ADGRB3: variants seen among roughly 807,000 people sequenced by gnomAD.
The protein encoded by ADGRB3 is brain-specific angiogenesis inhibitor 3.
In ADGRB3, 37 loss-of-function variants were observed where a neutral mutation model predicts 193.4. The ratio of observed to expected loss-of-function variants is 0.19; its 90% CI spans 0.15 to 0.25. The LOEUF (loss-of-function observed/expected upper bound fraction) is 0.25. Ranked by LOEUF, ADGRB3 falls within the 10% of genes least tolerant of loss-of-function variation. The probability of loss-of-function intolerance (pLI) is 1.00; values close to 1 mark genes in which losing one functional copy is unlikely to be tolerated. For missense variants in ADGRB3, 1,637 were observed against 1,852.9 expected, an observed-to-expected ratio of 0.88 and a Z score of 2.14; for synonymous variants, 690 against 644.2, an observed-to-expected ratio of 1.07 and a Z score of -1.08.
rs192785682 is a variant in ADGRB3 at position 69,303,358 on chromosome 6, G to C, written c.2815-21514G>C. On this transcript the variant is annotated intron_variant, in intron 20 of 31. Transcript: ENST00000370598. ...TACACCGAGTGTGCCTGCCTCTCCT[G>C]CCTCTCCTTCCACCTCGTCTGCCTC... 2.0e-5 allele frequency among the ~76,000 whole-genome samples: 3 copies of C among 151,902 alleles called. No homozygotes were observed. The East Asian group carries it at 5.9e-4, about 30-fold the overall frequency.
At chr6:69,027,231 T>G (rs984681099) in intron 13 of ADGRB3, among the ~76,000 whole-genome samples, 2 of 151,940 alleles carry the variant, frequency 1.3e-5, no homozygotes, top group Non-Finnish European at 2.9e-5. Flanking sequence ...GTTTTTTTTT[T>G]GGTAAACCCA....
At chr6:69,179,979 T>G (rs551015720) in intron 17 of ADGRB3, among the ~76,000 whole-genome samples, 1 of 152,162 alleles carries the variant, frequency 6.6e-6, no homozygotes, top group Non-Finnish European at 1.5e-5. Flanking sequence ...AGGAGCCAGA[T>G]GGGCAGGGCC....
chr6:69,275,681 T>G (rs1305514974), intron 20 of ADGRB3, among the ~76,000 whole-genome samples: 1 of 151,870 alleles, frequency 6.6e-6, no homozygotes, highest in Non-Finnish European at 1.5e-5. Flanking sequence ...ATTTTTGTTA[T>G]AGAGGACATA....
intron 3 of ADGRB3, among the ~76,000 whole-genome samples, chr6:68,817,962 G>A (rs904903051): frequency 3.3e-5 from 5 of 152,066 alleles, no homozygotes; most frequent in African/African-American, 7.2e-5. Flanking sequence ...CTTGATTGAC[G>A]AAATTGAGAA....
At chr6:68,983,685 A>G (rs1285035685) in intron 10 of ADGRB3, among the ~76,000 whole-genome samples, 6 of 152,040 alleles carry the variant, frequency 3.9e-5, no homozygotes, top group African/African-American at 1.4e-4. Context: ...TGGAGAAGCA[A>G]CTTGAATGTA....
In ADGRB3 at chr6:68,639,270, C is replaced by T. The variant is rs1768024618; in HGVS notation, c.595C>T (p.Pro199Ser). The change falls in exon 3 of 32, where the codon CCT becomes TCT. Residue 199 changes from proline to serine, a missense_variant. By Grantham distance (74) the Pro-to-Ser change is moderately conservative. Coordinates refer to ENST00000370598, the MANE Select transcript of ADGRB3 (RefSeq NM_001704.3). ...CGIMYTKCTCPQHLGEWGIDD... is the reference protein window; with the variant it reads ...CGIMYTKCTCSQHLGEWGIDD... ...GATCATGTATACAAAATGCACCTGC[C>T]CTCAGCATTTGGGAGAGTGGGGGAT... 2 of 1,614,002 alleles carry T rather than the reference C, an allele frequency of 1.2e-6. No homozygotes were observed. Among genetic ancestry groups the T allele is most frequent in the Non-Finnish European group, 1.7e-6 (2 of 1,180,016 alleles).
intron 13 of ADGRB3, among the ~76,000 whole-genome samples, chr6:69,040,347 T>TTCTTTCTTTCTTTCTTTC (rs1562133131): frequency 3.1e-4 from 17 of 54,374 alleles, no homozygotes; most frequent in Non-Finnish European, 6.0e-4. Context: ...CTTTCTTTCT[T>TTCTTTCTTTCTTTCTTTC]TCTTTCTTTC....
At chr6:69,329,960 TA>T (rs1582636141) in intron 22 of ADGRB3, among the ~76,000 whole-genome samples, 2 of 152,320 alleles carry the variant, frequency 1.3e-5, no homozygotes, top group East Asian at 1.9e-4. Flanking sequence ...AGAATTTTCT[TA>T]GTAGTTTGGT....
At chr6:68,871,033 T>C (rs958429592) in intron 3 of ADGRB3, among the ~76,000 whole-genome samples, 1 of 152,210 alleles carries the variant, frequency 6.6e-6, no homozygotes, top group African/African-American at 2.4e-5. Flanking sequence ...ACTTCGGCTT[T>C]TGTAAACTTA....
intron 3 of ADGRB3, among the ~76,000 whole-genome samples, chr6:68,809,198 G>A (rs1456643662): frequency 3.3e-5 from 5 of 152,122 alleles, no homozygotes; most frequent in African/African-American, 9.7e-5. Context: ...TGCAGAGGAC[G>A]TACTCACTCT....
rs34410124 is a variant in ADGRB3 at position 68,636,958 on chromosome 6, C to CAA, written c.-187-415_-187-414dup. ...CTGCATTGCCTGCAAAGTGCAACAC[C>CAA]AAAAAAAAAAAAAAAAAAAGGAAAT... On this transcript the variant is annotated intron_variant, in intron 1 of 31. Coordinates refer to ENST00000370598, the MANE Select transcript of ADGRB3 (RefSeq NM_001704.3). 6.9e-3 allele frequency among the ~76,000 whole-genome samples: 830 copies of CAA among 119,566 alleles called. 7 individuals carry two copies. The highest frequency in any genetic ancestry group is 0.013 in the South Asian group (49 of 3,650). 78.4% of individuals were successfully genotyped at this position (119,566 alleles called of 152,430 possible).
At chr6:69,184,546 CAT>C (rs894160900) in intron 17 of ADGRB3, among the ~76,000 whole-genome samples, 35 of 152,148 alleles carry the variant, frequency 2.3e-4, no homozygotes, top group African/African-American at 8.4e-4. Context: ...CATCCTAAAA[CAT>C]GTATAAAATC....
intron 6 of ADGRB3, among the ~76,000 whole-genome samples, chr6:68,954,218 CATTT>C (rs980253271): frequency 6.6e-6 from 1 of 152,072 alleles, no homozygotes; most frequent in Non-Finnish European, 1.5e-5. Flanking sequence ...TGTCTTTAAA[CATTT>C]ATTTATTTAT....
At chr6:69,111,448 C>G (rs771575298) in intron 17 of ADGRB3, among the ~76,000 whole-genome samples, 4 of 152,172 alleles carry the variant, frequency 2.6e-5, no homozygotes, top group Non-Finnish European at 4.4e-5. Flanking sequence ...GTGTGTAGCC[C>G]TGTTTGCTGC....
At chr6:69,037,978 A>G (rs1047244480) in intron 13 of ADGRB3, among the ~76,000 whole-genome samples, 4 of 152,158 alleles carry the variant, frequency 2.6e-5, no homozygotes, top group African/African-American at 9.7e-5. Context: ...ATGCCAGTCC[A>G]TGAGGATGGA....
chr6:69,225,564 C>A (rs1459902875), intron 17 of ADGRB3, among the ~76,000 whole-genome samples: 1 of 152,156 alleles, frequency 6.6e-6, no homozygotes, highest in South Asian at 2.1e-4. Context: ...AGGAAAGTCA[C>A]AACCTGTGGG....
At chr6:68,649,838 G>A (rs1181540946) in intron 3 of ADGRB3, among the ~76,000 whole-genome samples, 3 of 152,128 alleles carry the variant, frequency 2.0e-5, no homozygotes, top group Admixed American at 6.5e-5. Context: ...GCATGCCCCT[G>A]TCCTCTGTTG....
Position 68,646,178 on chromosome 6 carries a change from G to A in ADGRB3, c.757+6746G>A, listed in dbSNP as rs1280502506. Among the ~76,000 whole-genome samples, 3 of 152,136 alleles carry A rather than the reference G, an allele frequency of 2.0e-5. No individual in the cohort carries two copies. In the East Asian group the frequency reaches 5.8e-4, roughly 29 times the overall value. On this transcript the variant is annotated intron_variant, in intron 3 of 31. Transcript: ENST00000370598. ...GTCCAGGATGGAAAAAGTTAACATT[G>A]AAAATGATAGACTTCCAGCTGGGCG... is the stretch of plus-strand genomic sequence containing the variant.
chr6:69,047,026 A>G (rs1771256963), intron 13 of ADGRB3, among the ~76,000 whole-genome samples: 1 of 151,872 alleles, frequency 6.6e-6, no homozygotes, highest in Admixed American at 6.6e-5. Context: ...CCCGGCTAAA[A>G]TTTTTTGTAT....
Sources: gnomAD v4.1 joint callset for allele counts (sites outside exome capture counted in the v4.1 genomes callset) on GRCh38, gnomAD v4.1.1 for gene constraint, MANE v1.5 for transcripts, NCBI Gene and HGNC (gene_info 2026-07-23, HGNC 2026-07-21) for gene names.